Variants in CREM observed in about 807,000 individuals in gnomAD.
CREM encodes the protein cAMP responsive element modulator.
A neutral mutation model predicts 37.3 loss-of-function variants in CREM; 13 were observed. The ratio of observed to expected loss-of-function variants is 0.35; its 90% CI spans 0.23 to 0.55. The LOEUF (loss-of-function observed/expected upper bound fraction) is 0.55, where lower values mean the gene tolerates loss of function less well. Among genes scored for constraint, CREM ranks in the 20% least tolerant of loss-of-function variants. The pLI is 0.88. For synonymous variants in CREM, 124 were observed against 120.2 expected, an observed-to-expected ratio of 1.03 and a Z score of -0.21; for missense variants, 296 against 362.3, an observed-to-expected ratio of 0.82 and a Z score of 1.49.
At chr10:35,205,549 T>C (rs936023626) in intron 6 of CREM, among the ~76,000 whole-genome samples, 2 of 152,188 alleles carry the variant, frequency 1.3e-5, no homozygotes, top group Admixed American at 6.5e-5. Context: ...AGGCATGATA[T>C]GGAGTATAGG....
intron 3 of CREM, among the ~76,000 whole-genome samples, chr10:35,172,359 G>A (rs1564872696): frequency 6.6e-6 from 1 of 152,132 alleles, no homozygotes; most frequent in Non-Finnish European, 1.5e-5. Context: ...CCCTGGGGGT[G>A]ACTCTGAGAC....
rs1176467901 is a variant in CREM, at chr10:35,138,897, G to GA, written c.44+1026dup. Reference sequence around the variant, plus strand: ...TAACATAGCAAGATCCTGTCTCTTAGAAAAAAAATTGTTTTAATGGAGGGT... The same window carrying GA: ...TAACATAGCAAGATCCTGTCTCTTAGAAAAAAAAATTGTTTTAATGGAGGGT... On this transcript the variant is annotated intron_variant, in intron 2 of 7. Coordinates refer to ENST00000685392, the MANE Select transcript of CREM (RefSeq NM_183011.2). 2.0e-5 allele frequency among the ~76,000 whole-genome samples: 3 copies of GA among 150,938 alleles called. No individual in the cohort carries two copies. In the East Asian group the frequency reaches 5.8e-4, roughly 29 times the overall value.
intron 3 of CREM, among the ~76,000 whole-genome samples, chr10:35,175,237 G>C (rs1308343885): frequency 6.6e-6 from 1 of 151,482 alleles, no homozygotes; most frequent in East Asian, 1.9e-4. Flanking sequence ...CACAAGGTCA[G>C]GAGATCGAGA....
chr10:35,195,692 G>A (rs1327645358), intron 6 of CREM, among the ~76,000 whole-genome samples: 3 of 152,140 alleles, frequency 2.0e-5, no homozygotes, highest in Non-Finnish European at 4.4e-5. Flanking sequence ...GGAAAAACCC[G>A]CGTGTTATGG....
chr10:35,161,770 G>A lies in CREM; in HGVS notation c.168+13279G>A, dbSNP rs187417997. On this transcript the variant is annotated intron_variant, in intron 3 of 7. Transcript: ENST00000685392. ...GTTGGTTATTATCAAAATGACAAAA[G>A]ATAACAGATGTTGGCAAGAATATGG... is the stretch of plus-strand genomic sequence containing the variant. 1.9e-3 allele frequency among the ~76,000 whole-genome samples: 292 copies of A among 152,234 alleles called. 1 individual carries two copies. Among genetic ancestry groups the A allele is most frequent in the South Asian group, 7.9e-3 (38 of 4,820 alleles).
At chr10:35,209,878 A>C (rs2095625882) in intron 7 of CREM, among the ~76,000 whole-genome samples, 1 of 152,162 alleles carries the variant, frequency 6.6e-6, no homozygotes, top group African/African-American at 2.4e-5. Context: ...TTACATTTTA[A>C]ATTTCTTTTG....
At chr10:35,157,394 G>A (rs1237423133) in intron 3 of CREM, among the ~76,000 whole-genome samples, 1 of 152,128 alleles carries the variant, frequency 6.6e-6, no homozygotes, top group African/African-American at 2.4e-5. Context: ...ACTTTGGGAG[G>A]TTGAGGCAGG....
chr10:35,180,972 C>T (rs1428385290), intron 5 of CREM, among the ~76,000 whole-genome samples: 1 of 152,196 alleles, frequency 6.6e-6, no homozygotes, highest in Non-Finnish European at 1.5e-5. Context: ...TGAAATGACA[C>T]TAAGACTTCT....
chr10:35,187,145 TAATATATA>T (rs1211090274), intron 5 of CREM, among the ~76,000 whole-genome samples: 1 of 65,020 alleles, frequency 1.5e-5, no homozygotes, highest in Non-Finnish European at 2.7e-5. Context: ...TATTAATATA[TAATATATA>T]TAATATATAT....
chr10:35,185,221 G>T (rs1350671243), intron 5 of CREM, among the ~76,000 whole-genome samples: 1 of 151,392 alleles, frequency 6.6e-6, no homozygotes, highest in African/African-American at 2.4e-5. Context: ...TCCTCCCTCA[G>T]CCTCCCGAGG....
chr10:35,160,630 A>G (rs1313611752), intron 3 of CREM, among the ~76,000 whole-genome samples: 2 of 152,240 alleles, frequency 1.3e-5, no homozygotes, highest in African/African-American at 2.4e-5. Flanking sequence ...CACTAAATTC[A>G]TAAAACATCA....
chr10:35,139,128 T>A (rs1213476845), intron 2 of CREM, among the ~76,000 whole-genome samples: 4 of 63,266 alleles, frequency 6.3e-5, no homozygotes, highest in Non-Finnish European at 1.4e-4. Context: ...ATTTTAGCAA[T>A]TTTTTTTTTT....
At chr10:35,167,886 A>G (rs1488836747) in intron 3 of CREM, 3 of 1,231,362 alleles carry the variant, frequency 2.4e-6, no homozygotes, top group East Asian at 4.7e-5. Context: ...ATAAAATAAC[A>G]TCCATTTTAT....
chr10:35,193,503 A>G (rs2095006988), intron 6 of CREM, among the ~76,000 whole-genome samples: 1 of 152,068 alleles, frequency 6.6e-6, no homozygotes, highest in Non-Finnish European at 1.5e-5. Context: ...TTGGACCCAA[A>G]CCCTCAGGTG....
chr10:35,143,311 G>C (rs1039155902), intron 2 of CREM, among the ~76,000 whole-genome samples: 3 of 152,130 alleles, frequency 2.0e-5, no homozygotes, highest in African/African-American at 7.2e-5. Context: ...AGCTGAATAG[G>C]GTGGGAAGTG....
At chr10:35,162,978 A>C (rs1386821851) in intron 3 of CREM, among the ~76,000 whole-genome samples, 2 of 151,980 alleles carry the variant, frequency 1.3e-5, no homozygotes, top group Non-Finnish European at 2.9e-5. Flanking sequence ...TGGGAGGCCA[A>C]GTCAGGAGGA....
rs1564892562 is a variant in CREM at position 35,178,877 on chromosome 10, C to T, written c.169-12C>T. The stretch of plus-strand genomic sequence containing the variant: ...TATTTTATGATACATTTCAGAAAAT[C>T]TTGTATTATAGGTAGCAGCAATTGC... On this transcript the variant is annotated splice_polypyrimidine_tract_variant and intron_variant, in intron 3 of 7. Coordinates refer to ENST00000685392, the MANE Select transcript of CREM (RefSeq NM_183011.2). 5 of 1,591,428 alleles carry T rather than the reference C, an allele frequency of 3.1e-6. No homozygotes were observed. Among genetic ancestry groups the T allele is most frequent in the Non-Finnish European group, 3.4e-6 (4 of 1,167,420 alleles).
intron 2 of CREM, 23 bp downstream of exon 2, chr10:35,137,902 G>A (rs768322556): frequency 6.4e-7 from 1 of 1,565,214 alleles, no homozygotes; most frequent in East Asian, 2.3e-5. Flanking sequence ...ACGTTTTTCT[G>A]TTCTTTTGAA....
At chr10:35,162,699 G>T (rs984728866) in intron 3 of CREM, among the ~76,000 whole-genome samples, 5 of 152,084 alleles carry the variant, frequency 3.3e-5, no homozygotes, top group Non-Finnish European at 7.3e-5. Context: ...AAGGAGTCCA[G>T]AATCTAAAAT....
Sources: allele counts gnomAD v4.1 joint callset (sites outside exome capture counted in the v4.1 genomes callset), GRCh38; gene constraint gnomAD v4.1.1; transcripts MANE v1.5; gene names NCBI Gene and HGNC (gene_info 2026-07-23, HGNC 2026-07-21).